The following ZC3HAV1 variants were observed in gnomAD, a reference collection of about 807,000 sequenced individuals.
ZC3HAV1 encodes the protein zinc finger CCCH-type antiviral protein 1.
A neutral mutation model predicts 86.6 loss-of-function variants in ZC3HAV1; 41 were observed. That is an observed-to-expected ratio of 0.47 (90% CI 0.37 to 0.61). The LOEUF (loss-of-function observed/expected upper bound fraction) is 0.61, where lower values mean the gene tolerates loss of function less well. ZC3HAV1 is among the 20% of genes least tolerant of loss of function. The pLI, the probability that ZC3HAV1 is intolerant of heterozygous loss-of-function variation, is 0.00. For missense variants in ZC3HAV1, 964 were observed against 1,141.1 expected, an observed-to-expected ratio of 0.84 and a Z score of 2.24; for synonymous variants, 421 against 432.1, an observed-to-expected ratio of 0.97 and a Z score of 0.32.
At chr7:139,078,051 C>T (rs1252534402) in intron 5 of ZC3HAV1, among the ~76,000 whole-genome samples, 3 of 152,170 alleles carry the variant, frequency 2.0e-5, no homozygotes, top group African/African-American at 4.8e-5. Flanking sequence ...CCAGCCTGGC[C>T]AACATGCAAA....
chr7:139,050,450 C>T (rs903880666), intron 12 of ZC3HAV1, among the ~76,000 whole-genome samples: 5 of 152,256 alleles, frequency 3.3e-5, no homozygotes, highest in African/African-American at 1.2e-4. Context: ...TCACTGCAGC[C>T]TCCCCTTCTT....
At chr7:139,047,895 G>A in intron 12 of ZC3HAV1, 42 bp from the exon 13 acceptor site, 1 of 1,581,670 alleles carries the variant, frequency 6.3e-7, no homozygotes, top group Middle Eastern at 1.7e-4. Context: ...TATTATAAAA[G>A]AAGGTATACA....
chr7:139,087,258 A>AT (rs1817296202), intron 2 of ZC3HAV1, among the ~76,000 whole-genome samples: 1 of 152,146 alleles, frequency 6.6e-6, no homozygotes, highest in African/African-American at 2.4e-5. Flanking sequence ...TGTGTAAGGC[A>AT]TTTTTCCCGT....
intron 1 of ZC3HAV1, among the ~76,000 whole-genome samples, chr7:139,100,811 C>T (rs550762512): frequency 1.3e-5 from 2 of 149,846 alleles, no homozygotes; most frequent in African/African-American, 5.1e-5. Context: ...TCTCCCTCTC[C>T]CTCTCTTTCC....
chr7:139,077,106 C>G (rs1816974946), intron 5 of ZC3HAV1, among the ~76,000 whole-genome samples: 1 of 152,178 alleles, frequency 6.6e-6, no homozygotes, highest in Non-Finnish European at 1.5e-5. Context: ...ATTCTCTTAA[C>G]GAATCTCACT....
At chr7:139,065,646 C>T (rs939773504) in intron 7 of ZC3HAV1, among the ~76,000 whole-genome samples, 1 of 152,140 alleles carries the variant, frequency 6.6e-6, no homozygotes, top group Non-Finnish European at 1.5e-5. Flanking sequence ...TGGCTCACAC[C>T]TGTAATCCTA....
At chr7:139,093,682 C>T (rs1371490744) in intron 1 of ZC3HAV1, among the ~76,000 whole-genome samples, 1 of 152,206 alleles carries the variant, frequency 6.6e-6, no homozygotes, top group Non-Finnish European at 1.5e-5. Flanking sequence ...TACCCAAATC[C>T]TATAAAACGG....
chr7:139,107,011 A>T (rs1270732858), intron 1 of ZC3HAV1, among the ~76,000 whole-genome samples: 1 of 152,084 alleles, frequency 6.6e-6, no homozygotes, highest in Non-Finnish European at 1.5e-5. Flanking sequence ...AGTAAGAAAT[A>T]AAAAAATAAA....
At chr7:139,074,564 A>G (rs1018555457) in intron 6 of ZC3HAV1, among the ~76,000 whole-genome samples, 2 of 152,080 alleles carry the variant, frequency 1.3e-5, no homozygotes, top group Non-Finnish European at 2.9e-5. Context: ...GAATCTAGTT[A>G]TCTTCTATTA....
At chr7:139,059,779 C>T (rs1816392634) in intron 9 of ZC3HAV1, among the ~76,000 whole-genome samples, 2 of 152,040 alleles carry the variant, frequency 1.3e-5, no homozygotes, top group Admixed American at 1.3e-4. Context: ...AGAATTAAGT[C>T]AACTTAATTA....
At chr7:139,068,025 TTATTATTATTATTATTATTATTATTA>T (rs1816656843) in intron 7 of ZC3HAV1, among the ~76,000 whole-genome samples, 2 of 30,310 alleles carry the variant, frequency 6.6e-5, no homozygotes, top group African/African-American at 2.0e-4. Context: ...CTTTCTTTCT[TTATTATTATTATTATTATTATTATTA>T]TTATTATTAT....
intron 10 of ZC3HAV1, among the ~76,000 whole-genome samples, chr7:139,054,529 C>G (rs916039170): frequency 9.2e-5 from 14 of 152,100 alleles, no homozygotes; most frequent in Non-Finnish European, 2.1e-4. Flanking sequence ...TGTTTGACTC[C>G]CATAGAAACT....
Position 139,079,803 on chromosome 7 carries a change from T to C in ZC3HAV1, c.1138A>G (p.Thr380Ala). 1 of 1,614,076 alleles carries C rather than the reference T, an allele frequency of 6.2e-7. No individual in the cohort carries two copies. Among genetic ancestry groups the C allele is most frequent in the Non-Finnish European group, 8.5e-7 (1 of 1,180,002 alleles). Reference sequence around the variant, plus strand: ...AGAGAAGAGCGGGCGGCAGGTAGCGTGGGAGAAAACACAGTCTTTCTCCTG... The same window carrying C: ...AGAGAAGAGCGGGCGGCAGGTAGCGCGGGAGAAAACACAGTCTTTCTCCTG... ...GARRKTVFSP[T>A]LPAARSSLGS... The change falls in exon 4 of 13, where the codon ACG becomes GCG. Residue 380 changes from threonine (T) to alanine (A), a missense_variant. Physicochemically the swap from Thr to Ala is moderately conservative, Grantham distance 58 (BLOSUM62 0). Transcript: ENST00000242351.
intron 1 of ZC3HAV1, among the ~76,000 whole-genome samples, chr7:139,097,273 T>G (rs1263623706): frequency 6.7e-6 from 1 of 149,418 alleles, no homozygotes; most frequent in Non-Finnish European, 1.5e-5. Context: ...AACCTGCATT[T>G]TAGTAGACTC....
intron 12 of ZC3HAV1, among the ~76,000 whole-genome samples, chr7:139,051,482 C>G (rs1336493786): frequency 6.6e-6 from 1 of 151,338 alleles, no homozygotes; most frequent in Non-Finnish European, 1.5e-5. Context: ...TCACAGCTCA[C>G]TGCAGCCTCA....
At chr7:139,050,466 C>A (rs1433277703) in intron 12 of ZC3HAV1, among the ~76,000 whole-genome samples, 1 of 152,106 alleles carries the variant, frequency 6.6e-6, no homozygotes, top group Non-Finnish European at 1.5e-5. Flanking sequence ...TTCTTGTGAT[C>A]AATCAACTCT....
chr7:139,061,244 G>T, intron 8 of ZC3HAV1, 106 bp from the exon 9 acceptor site: 1 of 1,044,438 alleles, frequency 9.6e-7, no homozygotes, highest in Non-Finnish European at 1.4e-6. Context: ...ATTCAAGACT[G>T]ACCTGTATGT....
chr7:139,077,203 T>A (rs1003209190), intron 5 of ZC3HAV1, among the ~76,000 whole-genome samples: 2 of 152,216 alleles, frequency 1.3e-5, no homozygotes, highest in African/African-American at 4.8e-5. Flanking sequence ...TGTTTTTACT[T>A]ACTTCACGCA....
intron 10 of ZC3HAV1, among the ~76,000 whole-genome samples, 200 bp from the exon 11 acceptor site, chr7:139,054,295 G>C (rs919975182): frequency 1.3e-5 from 2 of 152,154 alleles, no homozygotes; most frequent in Non-Finnish European, 2.9e-5. Flanking sequence ...TGTCTGTCCA[G>C]GCCAACTGAA....
Sources: allele counts gnomAD v4.1 joint callset (sites outside exome capture counted in the v4.1 genomes callset), GRCh38; gene constraint gnomAD v4.1.1; transcripts MANE v1.5; gene names NCBI Gene and HGNC (gene_info 2026-07-23, HGNC 2026-07-21).